PTCD3: variants seen among roughly 807,000 people sequenced by gnomAD.
The protein encoded by PTCD3 is pentatricopeptide repeat domain 3, also known as small ribosomal subunit protein mS39.
PTCD3 carries 89 observed loss-of-function variants against 101.9 expected under a neutral mutation model. The observed-to-expected ratio is 0.87, with a 90% CI of 0.74 to 1.04. The LOEUF is 1.04. Among genes scored for constraint, PTCD3 ranks in the 50% least tolerant of loss-of-function variants. PTCD3 has a pLI of 0.00. For synonymous variants in PTCD3, 296 were observed against 278.5 expected, an observed-to-expected ratio of 1.06 and a Z score of -0.63; for missense variants, 870 against 828.2, an observed-to-expected ratio of 1.05 and a Z score of -0.62.
chr2:86,125,666 A>T, intron 11 of PTCD3, 129 bp from the exon 12 acceptor site: 1 of 1,045,480 alleles, frequency 9.6e-7, no homozygotes, highest in South Asian at 1.5e-5. Context: ...TCCAGAGAGG[A>T]GAGTAGTTTT....
intron 16 of PTCD3, among the ~76,000 whole-genome samples, 191 bp from the exon 17 acceptor site, chr2:86,132,126 TA>T (rs1674503966): frequency 6.6e-6 from 1 of 152,200 alleles, no homozygotes; most frequent in Non-Finnish European, 1.5e-5. Flanking sequence ...ATTGCTTAAT[TA>T]AAATAATATT....
At chr2:86,135,790 A>G (rs1486193012) in intron 21 of PTCD3, 2 of 422,022 alleles carry the variant, frequency 4.7e-6, no homozygotes, top group Admixed American at 5.4e-5. Context: ...CTCTCTAGCA[A>G]CTATGCTGCT....
At chr2:86,120,763 CACAT>C (rs1674265328) in intron 7 of PTCD3, among the ~76,000 whole-genome samples, 1 of 152,104 alleles carries the variant, frequency 6.6e-6, no homozygotes, top group Admixed American at 6.5e-5. Context: ...GGTGCAGTGG[CACAT>C]ACCTGTAGTC....
At chr2:86,130,985 C>A in intron 15 of PTCD3, 93 bp from the exon 16 acceptor site, 1 of 1,414,112 alleles carries the variant, frequency 7.1e-7, no homozygotes, top group Non-Finnish European at 9.7e-7. Context: ...TTGCATGTTA[C>A]CAGTTTTGTT....
intron 17 of PTCD3, chr2:86,132,661 A>G (rs572270670): frequency 1.4e-4 from 56 of 400,718 alleles, no homozygotes; most frequent in African/African-American, 7.7e-4. Flanking sequence ...TAAAATCCAC[A>G]TATCTTTTTC....
At chr2:86,115,815 G>A (rs1362184434) in intron 4 of PTCD3, among the ~76,000 whole-genome samples, 1 of 152,158 alleles carries the variant, frequency 6.6e-6, no homozygotes, top group Non-Finnish European at 1.5e-5. Context: ...GTGGGAGAAG[G>A]TTCTGTTGTT....
At chr2:86,134,796 A>G (rs752823655) in intron 20 of PTCD3, 43 bp from the exon 21 acceptor site, 2 of 1,608,354 alleles carry the variant, frequency 1.2e-6, no homozygotes, top group Admixed American at 3.4e-5. Context: ...TGAAATTCTC[A>G]TAAAATCAGT....
At position 86,106,257 on chromosome 2, in the gene PTCD3, G is replaced by T. The variant is rs1301187767; in HGVS notation, c.10G>T (p.Val4Leu). 1.2e-6 allele frequency: 2 copies of T among 1,613,964 alleles called. No individual in the cohort carries two copies. Among genetic ancestry groups the T allele is most frequent in the South Asian group, 1.1e-5 (1 of 91,032 alleles). Residue 4 changes from valine (V) to leucine (L), a missense_variant, in exon 1 of 24, where the codon GTA (valine) becomes TTA (leucine). Physicochemically the swap from Val to Leu is conservative, Grantham distance 32. Transcript: ENST00000254630. ...TGCAGAGAAATCAAAGATGGCGGTT[G>T]TATCTGCTGTTCGCTGGCTGGGCCT... MAV[V>L]SAVRWLGLRS...
At chr2:86,137,352 G>A in intron 23 of PTCD3, 117 bp from the exon 24 acceptor site, 1 of 1,437,504 alleles carries the variant, frequency 7.0e-7, no homozygotes, top group Non-Finnish European at 9.3e-7. Context: ...TAATGCAACT[G>A]CAGGGTCCCT....
chr2:86,126,337 C>G (rs1464806210), intron 12 of PTCD3, among the ~76,000 whole-genome samples: 1 of 151,910 alleles, frequency 6.6e-6, no homozygotes, highest in Non-Finnish European at 1.5e-5. Context: ...CTACCCTTTC[C>G]GCAGCCCTGG....
intron 3 of PTCD3, 130 bp from the exon 4 acceptor site, chr2:86,110,983 T>C: frequency 1.2e-6 from 1 of 867,286 alleles, no homozygotes; most frequent in Non-Finnish European, 2.0e-6. Flanking sequence ...TCTAGTGACC[T>C]TGTGACATAA....
In PTCD3 at chr2:86,111,163, G is replaced by C. The variant is rs753413395; in HGVS notation, c.240+5G>C. The C allele has an allele frequency of 6.8e-6, 11 of 1,611,290 alleles. No individual in the cohort carries two copies. Among genetic ancestry groups the C allele is most frequent in the African/African-American group, 1.3e-5 (1 of 74,834 alleles). ...CTTGCATCCACAGTAAACAGGGTAA[G>C]TAGGATTTTGTGTTTTTTTTTAACC... is the stretch of plus-strand genomic sequence containing the variant. On this transcript the variant is annotated splice_donor_5th_base_variant and intron_variant, in intron 4 of 23. Coordinates refer to ENST00000254630, the MANE Select transcript of PTCD3 (RefSeq NM_017952.6).
In PTCD3 at chr2:86,106,289, C is replaced by G; in HGVS notation, c.42C>G (p.Ser14Arg). The change falls in exon 1 of 24, where the codon AGC becomes AGG. Residue 14 changes from serine (S) to arginine (R), a missense_variant. Physicochemically the swap from Ser to Arg is moderately radical, Grantham distance 110. Coordinates refer to ENST00000254630, the MANE Select transcript of PTCD3 (RefSeq NM_017952.6). ...CTGTTCGCTGGCTGGGCCTCCGCAG[C>G]AGGCTTGGCCAGCCGCTGACGGGTC... ...VSAVRWLGLR[S>R]RLGQPLTGRR... 1 of 1,613,324 alleles carries G rather than the reference C, an allele frequency of 6.2e-7. No individual in the cohort carries two copies. Among genetic ancestry groups the G allele is most frequent in the Non-Finnish European group, 8.5e-7 (1 of 1,179,934 alleles).
At position 86,133,424 on chromosome 2, in the gene PTCD3, A is replaced by G. The variant is rs1674528110; in HGVS notation, c.1531A>G (p.Lys511Glu). 1 of 1,613,364 alleles carries G rather than the reference A, an allele frequency of 6.2e-7. No homozygotes were observed. The highest frequency in any genetic ancestry group is 1.3e-5 in the African/African-American group (1 of 75,042). ...GGCCAATCGGCTAGAAGTGATTCCTAAAATTTGGAAAGGTCAGTTTTACTT... is the reference window on the plus strand; with the variant it reads ...GGCCAATCGGCTAGAAGTGATTCCTGAAATTTGGAAAGGTCAGTTTTACTT... ...DVANRLEVIP[K>E]IWKDSKEYGH... Residue 511 changes from lysine (K) to glutamate (E), a missense_variant, in exon 19 of 24, where the codon AAA (lysine) becomes GAA (glutamate). Lys to Glu is a moderately conservative substitution (Grantham distance 56). Coordinates refer to ENST00000254630, the MANE Select transcript of PTCD3 (RefSeq NM_017952.6).
chr2:86,107,795 G>A (rs1451892937), intron 1 of PTCD3, among the ~76,000 whole-genome samples: 1 of 152,194 alleles, frequency 6.6e-6, no homozygotes, highest in Non-Finnish European at 1.5e-5. Flanking sequence ...AGTCCTTTCT[G>A]ATCAGGGCAG....
rs1323362210 is a variant in PTCD3, at chr2:86,138,359, A to G, written c.*800A>G. The G allele has an allele frequency of 6.6e-6, 1 of 152,198 alleles. No homozygotes were observed. Among genetic ancestry groups the G allele is most frequent in the African/African-American group, 2.4e-5 (1 of 41,444 alleles). The allele number at this position is 152,198 out of a possible 1,614,324, so 9.4% of individuals were successfully genotyped here. On this transcript the variant is annotated 3_prime_UTR_variant, in exon 24 of 24. Transcript: ENST00000254630. ...ACTACTTCTAGCAGCTCTTACCACTATGACTTAAGTGGTCCTGGAAGGCAG... is the reference window on the plus strand; with the variant it reads ...ACTACTTCTAGCAGCTCTTACCACTGTGACTTAAGTGGTCCTGGAAGGCAG...
In PTCD3 at chr2:86,130,743, T is replaced by C; in HGVS notation, c.1237+6T>C. On this transcript the variant is annotated splice_donor_region_variant and intron_variant, in intron 15 of 23. Transcript: ENST00000254630. ...TCCAAAGGACCCGGATGATGGCATG[T>C]ATAGAAATCACTTGTGTTTTCCTCC... 1 of 1,613,204 alleles carries C rather than the reference T, an allele frequency of 6.2e-7. No homozygotes were observed. The highest frequency in any genetic ancestry group is 8.5e-7 in the Non-Finnish European group (1 of 1,179,596).
chr2:86,122,406 T>C (rs951789749), intron 8 of PTCD3, among the ~76,000 whole-genome samples: 2 of 152,334 alleles, frequency 1.3e-5, no homozygotes, highest in Non-Finnish European at 2.9e-5. Flanking sequence ...CCCAACTAAA[T>C]GTGGATTTCT....
chr2:86,136,668 C>G lies in PTCD3; in HGVS notation c.1820+106C>G, dbSNP rs899475108. The G allele has an allele frequency of 2.3e-6, 3 of 1,317,726 alleles. No individual in the cohort carries two copies. The African/African-American group carries it at 4.4e-5, about 19-fold the overall frequency. The allele number at this position is 1,317,726 out of a possible 1,614,324, so 81.6% of individuals were successfully genotyped here. A position where few individuals can be genotyped will look rare whatever the true frequency, so the allele number is the denominator to read the frequency against. ...CACATTTGGGCACTCTTCTGTTAGG[C>G]AAGCATACCGTCAACTCCCTACTAT... On this transcript the variant is annotated intron_variant, in intron 22 of 23. Coordinates refer to ENST00000254630, the MANE Select transcript of PTCD3 (RefSeq NM_017952.6).
Sources: gnomAD v4.1 joint callset for allele counts (sites outside exome capture counted in the v4.1 genomes callset) on GRCh38, gnomAD v4.1.1 for gene constraint, MANE v1.5 for transcripts, NCBI Gene and HGNC (gene_info 2026-07-23, HGNC 2026-07-21) for gene names.